Variants in NBN observed in about 807,000 individuals in gnomAD.
The protein encoded by NBN is nibrin.
NBN carries 88 observed loss-of-function variants against 90.8 expected under a neutral mutation model. The observed-to-expected ratio is 0.97, with a 90% CI of 0.82 to 1.16. NBN has a LOEUF of 1.16. Among genes scored for constraint, NBN ranks in the 50% most tolerant of loss-of-function variants. The pLI is 0.00. For synonymous variants in NBN, 328 were observed against 295.1 expected (o/e 1.11, Z -1.14); for missense variants, 894 against 869.6 (o/e 1.03, Z -0.35).
rs1309687475 is a variant in NBN at position 89,934,442 on chromosome 8, G to T, written c.*1140C>A. ...CATTTCCCTAACTCCCTTGCAGCTG[G>T]AGTTCCACCTGCAAGCAGCCAGAAC... On this transcript the variant is annotated 3_prime_UTR_variant, in exon 16 of 16. Coordinates refer to ENST00000265433, the MANE Select transcript of NBN (RefSeq NM_002485.5). 4.3e-6 allele frequency: 1 copy of T among 232,992 alleles called. No individual in the cohort carries two copies. The highest frequency in any genetic ancestry group is 2.2e-5 in the African/African-American group (1 of 45,318). 14.4% of individuals were successfully genotyped at this position (232,992 alleles called of 1,614,324 possible).
chr8:89,981,988 A>G, intron 2 of NBN: 2 of 1,211,710 alleles, frequency 1.7e-6, no homozygotes. Flanking sequence ...AAATTTCCAA[A>G]ATGTTTTTCT....
rs1554556602 is a variant in NBN, at chr8:89,946,290, A to T, written c.1920T>A (p.Asn640Lys). The change falls in exon 13 of 16, where the codon AAT (asparagine) becomes AAA (lysine). Residue 640 changes from asparagine to lysine, a missense_variant. Coordinates refer to ENST00000265433, the MANE Select transcript of NBN (RefSeq NM_002485.5). ...TCTCACTATCATCCTGAAGTTTGTC[A>T]TTGTTCTTAAATGGGGTTAAGATGG... Reference protein sequence around the residue: ...SLWSAKEISNNDKLQDDSEML... With the variant: ...SLWSAKEISNKDKLQDDSEML... The T allele has an allele frequency of 6.3e-7, 1 of 1,581,512 alleles. No individual in the cohort carries two copies. The highest frequency in any genetic ancestry group is 1.3e-5 in the African/African-American group (1 of 74,328).
intron 10 of NBN, among the ~76,000 whole-genome samples, chr8:89,955,039 A>T (rs1810631950): frequency 6.6e-6 from 1 of 152,096 alleles, no homozygotes; most frequent in South Asian, 2.1e-4. Context: ...GTTAGTTCTT[A>T]TTGAAGAGAA....
Position 89,982,727 on chromosome 8 carries a change from T to C in NBN, c.166A>G (p.Asn56Asp). The change falls in exon 2 of 16, where the codon AAC becomes GAC. Residue 56 changes from asparagine to aspartate, a missense_variant. By Grantham distance (23) the Asn-to-Asp change is conservative. Coordinates refer to ENST00000265433, the MANE Select transcript of NBN (RefSeq NM_002485.5). ...AAATAAAATTAGTAACATACCAGGTTGGTTACAGAAAAGTTAGCAGTTAAC... is the reference window on the plus strand; with the variant it reads ...AAATAAAATTAGTAACATACCAGGTCGGTTACAGAAAAGTTAGCAGTTAAC... ...AVLTANFSVTNLSQTDEIPVL... is the reference protein window; with the variant it reads ...AVLTANFSVTDLSQTDEIPVL... 1 of 1,613,302 alleles carries C rather than the reference T, an allele frequency of 6.2e-7. No homozygotes were observed. The highest frequency in any genetic ancestry group is 8.5e-7 in the Non-Finnish European group (1 of 1,179,298).
chr8:89,968,644 T>C (rs935754163), intron 7 of NBN, among the ~76,000 whole-genome samples: 12 of 152,206 alleles, frequency 7.9e-5, no homozygotes, highest in African/African-American at 1.2e-4. Context: ...ACATTCTTTG[T>C]CTGGCTCTTT....
chr8:89,980,745 CTT>C lies in NBN; in HGVS notation c.467_468del (p.Lys156SerfsTer4). ...GACATTCAACCTACTTTAATGGTAACTTTCACTGATACCATGACAAGGTGAGT... is the reference window on the plus strand; with the variant it reads ...GACATTCAACCTACTTTAATGGTAACTCACTGATACCATGACAAGGTGAGT... ...ECTHLVMVSV[K>X]VTIKTICALI... is the part of the protein sequence containing the mutation. On this transcript the variant is annotated frameshift_variant, in exon 4 of 16. Coordinates refer to ENST00000265433, the MANE Select transcript of NBN (RefSeq NM_002485.5). LOFTEE classifies it high-confidence loss of function. The C allele has an allele frequency of 6.2e-7, 1 of 1,612,290 alleles. No individual in the cohort carries two copies. The highest frequency in any genetic ancestry group is 8.5e-7 in the Non-Finnish European group (1 of 1,178,598).
At chr8:89,939,827 ATTAGG>A (rs896623030) in intron 14 of NBN, among the ~76,000 whole-genome samples, 2 of 152,206 alleles carry the variant, frequency 1.3e-5, no homozygotes, top group Admixed American at 1.3e-4. Flanking sequence ...TCCCTAACAA[ATTAGG>A]TAAACAACCT....
chr8:89,951,057 A>C (rs1810422189), intron 11 of NBN, among the ~76,000 whole-genome samples: 1 of 152,112 alleles, frequency 6.6e-6, no homozygotes, highest in African/African-American at 2.4e-5. Context: ...CTTAAAAAAA[A>C]TTAAAGTCAC....
At chr8:89,937,231 C>G in intron 14 of NBN, 156 bp from the exon 15 acceptor site, 1 of 664,152 alleles carries the variant, frequency 1.5e-6, no homozygotes, top group South Asian at 1.7e-5. Context: ...TTCAACTGAT[C>G]CTCTATATTT....
rs1811447650 is a variant in NBN, at chr8:89,970,352, A to G, written c.896+12T>C. 2 of 1,593,820 alleles carry G rather than the reference A, an allele frequency of 1.3e-6. No individual in the cohort carries two copies. The highest frequency in any genetic ancestry group is 4.5e-5 in the East Asian group (2 of 44,782). On this transcript the variant is annotated intron_variant, in intron 7 of 15. Transcript: ENST00000265433. The stretch of plus-strand genomic sequence containing the variant: ...ACTTGCAGTTTTTTACTAATAAAGA[A>G]TAATTCTATACCTTTGGAGCATATC...
chr8:89,977,306 T>C (rs1372818761), intron 5 of NBN, among the ~76,000 whole-genome samples: 2 of 151,950 alleles, frequency 1.3e-5, no homozygotes, highest in African/African-American at 4.8e-5. Context: ...CACTTATGAG[T>C]GAGAACATAC....
chr8:89,970,967 T>C (rs972479849), intron 6 of NBN, among the ~76,000 whole-genome samples: 10 of 152,198 alleles, frequency 6.6e-5, no homozygotes, highest in African/African-American at 2.4e-4. Context: ...TATTTATGAA[T>C]AGGCCAGTTA....
intron 5 of NBN, among the ~76,000 whole-genome samples, chr8:89,972,080 T>C (rs548725265): frequency 6.6e-6 from 1 of 152,172 alleles, no homozygotes; most frequent in East Asian, 1.9e-4. Context: ...GAGGGAGAAA[T>C]TCACAACCTG....
chr8:89,982,790 T>C lies in NBN; in HGVS notation c.103A>G (p.Ile35Val). The C allele has an allele frequency of 6.2e-7, 1 of 1,613,926 alleles. No homozygotes were observed. ...VVGRKNCAIL[I>V]ENDQSISRNH... ...CGGCTGATCGACTGATCATTTTCAATCAGAATGGCACAGTTTTTCCTTCCA... is the reference window on the plus strand; with the variant it reads ...CGGCTGATCGACTGATCATTTTCAACCAGAATGGCACAGTTTTTCCTTCCA... The change falls in exon 2 of 16, where the codon ATT becomes GTT. Residue 35 changes from isoleucine to valine, a missense_variant. Ile to Val is a conservative substitution (Grantham distance 29, BLOSUM62 3). Coordinates refer to ENST00000265433, the MANE Select transcript of NBN (RefSeq NM_002485.5).
At chr8:89,958,265 G>A (rs1199652307) in intron 9 of NBN, among the ~76,000 whole-genome samples, 1 of 152,212 alleles carries the variant, frequency 6.6e-6, no homozygotes, top group Non-Finnish European at 1.5e-5. Context: ...TTCCTAACAG[G>A]TGATGGACTG....
chr8:89,981,946 G>C (rs1360335873), intron 2 of NBN: 16 of 1,171,996 alleles, frequency 1.4e-5, no homozygotes, highest in Non-Finnish European at 1.7e-5. Context: ...TAGTGTTTCT[G>C]ACTTACAGTA....
At chr8:89,952,864 T>G (rs1334480836) in intron 11 of NBN, among the ~76,000 whole-genome samples, 1 of 152,162 alleles carries the variant, frequency 6.6e-6, no homozygotes, top group African/African-American at 2.4e-5. Flanking sequence ...AAATGAAAAT[T>G]CCTAGTGATG....
At position 89,982,832 on chromosome 8, in the gene NBN, CA is replaced by C. The variant is rs758708229; in HGVS notation, c.60del (p.Gly21AlafsTer14). ...PAGGEPYRLLTGVEYVVGRKN... is the reference protein window; with the variant it reads ...PAGGEPYRLLXGVEYVVGRKN... ...TTCCTTCCAACAACGTACTCAACGC[CA>C]GTCAAAAGTCTGTATGGTTCTCCTG... On this transcript the variant is annotated frameshift_variant, in exon 2 of 16. Coordinates refer to ENST00000265433, the MANE Select transcript of NBN (RefSeq NM_002485.5). LOFTEE classifies it high-confidence loss of function. 2.5e-6 allele frequency: 4 copies of C among 1,613,436 alleles called. No homozygotes were observed. Among genetic ancestry groups the C allele is most frequent in the Non-Finnish European group, 2.5e-6 (3 of 1,179,576 alleles).
intron 7 of NBN, among the ~76,000 whole-genome samples, chr8:89,969,847 G>A (rs1355560243): frequency 6.6e-6 from 1 of 152,112 alleles, no homozygotes; most frequent in Non-Finnish European, 1.5e-5. Flanking sequence ...AGCTACTAGA[G>A]TGGCTGAGGC....
Sources: allele counts gnomAD v4.1 joint callset (sites outside exome capture counted in the v4.1 genomes callset), GRCh38; gene constraint gnomAD v4.1.1; transcripts MANE v1.5; gene names NCBI Gene and HGNC (gene_info 2026-07-23, HGNC 2026-07-21).